Variants in ERP44 observed in about 807,000 individuals in gnomAD.
The protein encoded by ERP44 is endoplasmic reticulum protein 44, also known as endoplasmic reticulum resident protein 44.
ERP44 carries 25 observed loss-of-function variants against 53.4 expected under a neutral mutation model. The observed-to-expected ratio is 0.47, with a 90% CI of 0.34 to 0.65. ERP44 has a LOEUF of 0.65. Among genes scored for constraint, ERP44 ranks in the 30% least tolerant of loss-of-function variants. ERP44 has a pLI of 0.01. For synonymous variants in ERP44, 145 were observed against 161.2 expected (o/e 0.90, Z 0.76); for missense variants, 338 against 493.2 (o/e 0.69, Z 2.98).
chr9:100,027,220 GTCTATTA>G (rs1830663381), intron 4 of ERP44, among the ~76,000 whole-genome samples: 1 of 152,206 alleles, frequency 6.6e-6, no homozygotes, highest in African/African-American at 2.4e-5. Flanking sequence ...AATCACAAGA[GTCTATTA>G]ACAAACATTA....
chr9:100,051,908 G>A (rs1826041983), intron 4 of ERP44, among the ~76,000 whole-genome samples: 1 of 152,200 alleles, frequency 6.6e-6, no homozygotes, highest in Non-Finnish European at 1.5e-5. Context: ...ATAATCAGTT[G>A]CTACAGCTAA....
intron 4 of ERP44, among the ~76,000 whole-genome samples, chr9:100,027,614 T>A (rs1830666547): frequency 6.6e-6 from 1 of 152,198 alleles, no homozygotes; most frequent in Non-Finnish European, 1.5e-5. Flanking sequence ...CCCAGAAGGT[T>A]AACAGCTCAC....
At chr9:100,024,936 A>G (rs1439264491) in intron 4 of ERP44, among the ~76,000 whole-genome samples, 1 of 152,136 alleles carries the variant, frequency 6.6e-6, no homozygotes, top group South Asian at 2.1e-4. Flanking sequence ...ACTAATCAAA[A>G]CTGACACTAG....
intron 1 of ERP44, among the ~76,000 whole-genome samples, chr9:100,081,465 G>C (rs1230483538): frequency 6.6e-6 from 1 of 151,798 alleles, no homozygotes; most frequent in African/African-American, 2.4e-5. Context: ...AGTAGAAAGA[G>C]AAATGAATCT....
At chr9:100,014,992 T>C (rs1032184966) in intron 8 of ERP44, among the ~76,000 whole-genome samples, 2 of 152,210 alleles carry the variant, frequency 1.3e-5, no homozygotes, top group African/African-American at 4.8e-5. Context: ...CTACTTCTCA[T>C]TGTATCCTCA....
intron 4 of ERP44, among the ~76,000 whole-genome samples, chr9:100,033,695 G>A (rs1825818718): frequency 6.6e-6 from 1 of 152,126 alleles, no homozygotes; most frequent in Non-Finnish European, 1.5e-5. Flanking sequence ...TGTTTTTGAG[G>A]TTTTTTCTGC....
intron 4 of ERP44, among the ~76,000 whole-genome samples, chr9:100,031,606 C>G (rs1369617680): frequency 6.6e-6 from 1 of 152,150 alleles, no homozygotes; most frequent in East Asian, 1.9e-4. Flanking sequence ...TGGAGGTTAC[C>G]TTTGGTAAAG....
chr9:100,071,703 T>C (rs527263192), intron 1 of ERP44, among the ~76,000 whole-genome samples: 65 of 152,276 alleles, frequency 4.3e-4, no homozygotes, highest in African/African-American at 1.4e-3. Flanking sequence ...GGGGATCACA[T>C]GAGGTCAGGA....
At chr9:100,008,736 A>C (rs1441030112) in intron 8 of ERP44, among the ~76,000 whole-genome samples, 1 of 152,176 alleles carries the variant, frequency 6.6e-6, no homozygotes, top group Non-Finnish European at 1.5e-5. Context: ...TTTTTTAAAA[A>C]ACTGAGATAC....
intron 6 of ERP44, among the ~76,000 whole-genome samples, chr9:100,019,404 G>A (rs192057964): frequency 4.6e-5 from 7 of 152,058 alleles, no homozygotes; most frequent in Admixed American, 2.0e-4. Flanking sequence ...CTGATAATGC[G>A]CACAATAAAA....
In ERP44 at chr9:99,979,580, A is replaced by G. The variant is rs564468903; in HGVS notation, c.*3032T>C. On this transcript the variant is annotated 3_prime_UTR_variant, in exon 12 of 12. Coordinates refer to ENST00000262455, the MANE Select transcript of ERP44 (RefSeq NM_015051.3). ...AGAAAAAAATAATTTGTAGAATGTC[A>G]TCTAAAAGTTTCCATCCTTTTATGG... The G allele has an allele frequency of 4.2e-4, 76 of 183,016 alleles. No homozygotes were observed. The highest frequency in any genetic ancestry group is 1.6e-3 in the African/African-American group (70 of 42,956). The allele number at this position is 183,016 out of a possible 1,614,324, so 11.3% of individuals were successfully genotyped here. A position where few individuals can be genotyped will look rare whatever the true frequency, so the allele number is the denominator to read the frequency against.
intron 1 of ERP44, among the ~76,000 whole-genome samples, 165 bp downstream of exon 1, chr9:100,098,619 C>T (rs1826690993): frequency 6.6e-6 from 1 of 152,194 alleles, no homozygotes; most frequent in Admixed American, 6.5e-5. Flanking sequence ...GGGGACTCCG[C>T]GCCTGGAAGC....
chr9:100,037,103 C>T (rs544185057), intron 4 of ERP44, among the ~76,000 whole-genome samples: 1 of 152,286 alleles, frequency 6.6e-6, no homozygotes, highest in East Asian at 1.9e-4. Flanking sequence ...AAAAAACTGT[C>T]TTGAATCACC....
chr9:100,079,413 TACACACAC>T (rs58110423), intron 1 of ERP44, among the ~76,000 whole-genome samples: 4,510 of 137,328 alleles, frequency 0.033, 89 homozygotes, highest in African/African-American at 0.053. Context: ...AACTCCCCTT[TACACACAC>T]ACACACACAC....
chr9:100,084,766 C>CG (rs1226458526), intron 1 of ERP44, among the ~76,000 whole-genome samples: 2 of 152,168 alleles, frequency 1.3e-5, no homozygotes, highest in Non-Finnish European at 2.9e-5. Context: ...TCGTATCATA[C>CG]GGAACTATGG....
At chr9:99,988,059 A>G (rs1852864) in intron 10 of ERP44, among the ~76,000 whole-genome samples, 103,053 of 152,106 alleles carry the variant, frequency 0.68, 36,159 homozygotes, top group East Asian at 0.91. Flanking sequence ...TTCTAGAGTG[A>G]CTGTATCATG....
chr9:99,996,449 T>C (rs187464549), intron 10 of ERP44, among the ~76,000 whole-genome samples: 1 of 152,302 alleles, frequency 6.6e-6, no homozygotes, highest in African/African-American at 2.4e-5. Context: ...TGTAGAACCA[T>C]AAGCTAAATA....
In ERP44 at chr9:100,052,548, G is replaced by A; in HGVS notation, c.171-16C>T. On this transcript the variant is annotated splice_polypyrimidine_tract_variant and intron_variant, in intron 3 of 11. Transcript: ENST00000262455. Reference sequence around the variant, plus strand: ...GAAACGACACCTATACACAGAGAAGGATGCCAATTAGAAATGAAAAGCAGA... The same window carrying A: ...GAAACGACACCTATACACAGAGAAGAATGCCAATTAGAAATGAAAAGCAGA... The A allele has an allele frequency of 7.1e-7, 1 of 1,399,704 alleles. No individual in the cohort carries two copies. The highest frequency in any genetic ancestry group is 1.8e-4 in the Middle Eastern group (1 of 5,438). The allele number at this position is 1,399,704 out of a possible 1,614,324, so 86.7% of individuals were successfully genotyped here. A position where few individuals can be genotyped will look rare whatever the true frequency, so the allele number is the denominator to read the frequency against.
chr9:100,022,099 T>C lies in ERP44; in HGVS notation c.414A>G (p.Gln138=), dbSNP rs1201433317. The change falls in exon 5 of 12, where the codon CAA becomes CAG. Residue 138 remains glutamine, a synonymous_variant. Coordinates refer to ENST00000262455, the MANE Select transcript of ERP44 (RefSeq NM_015051.3). ...TTTCTTGAATGGGGTCACTTTTTTG[T>C]TGCCTGATGTAATCTGCCAATGCTT... is the stretch of plus-strand genomic sequence containing the variant. ...SVKALADYIR[Q]QKSDPIQEIR... 1 of 1,614,006 alleles carries C rather than the reference T, an allele frequency of 6.2e-7. No individual in the cohort carries two copies. The highest frequency in any genetic ancestry group is 2.2e-5 in the East Asian group (1 of 44,856).
Sources: allele counts gnomAD v4.1 joint callset (sites outside exome capture counted in the v4.1 genomes callset), GRCh38; gene constraint gnomAD v4.1.1; transcripts MANE v1.5; gene names NCBI Gene and HGNC (gene_info 2026-07-23, HGNC 2026-07-21).